Variants in ANKRD36C observed in about 807,000 individuals in gnomAD.
ANKRD36C encodes the protein ankyrin repeat domain-containing protein 36C.
A neutral mutation model predicts 276.4 loss-of-function variants in ANKRD36C; 61 were observed. The ratio of observed to expected loss-of-function variants is 0.22; its 90% CI spans 0.18 to 0.27. The LOEUF (loss-of-function observed/expected upper bound fraction) is 0.27, where lower values mean the gene tolerates loss of function less well. Among genes scored for constraint, ANKRD36C ranks in the 10% least tolerant of loss-of-function variants. ANKRD36C has a pLI of 1.00. For synonymous variants in ANKRD36C, 483 were observed against 680.1 expected (o/e 0.71, Z 4.51); for missense variants, 1,447 against 2,032.3 (o/e 0.71, Z 5.54).
At chr2:95,871,784 G>C (rs1196161108) in intron 59 of ANKRD36C, among the ~76,000 whole-genome samples, 1 of 151,778 alleles carries the variant, frequency 6.6e-6, no homozygotes, top group African/African-American at 2.4e-5. Context: ...CTCACGTGCA[G>C]AGACACACAT....
At chr2:95,874,465 T>G (rs1573732115) in intron 59 of ANKRD36C, among the ~76,000 whole-genome samples, 1 of 152,234 alleles carries the variant, frequency 6.6e-6, no homozygotes, top group East Asian at 1.9e-4. Context: ...CTGGGAAAAC[T>G]GGCTAGCCAT....
intron 34 of ANKRD36C, among the ~76,000 whole-genome samples, chr2:95,919,318 A>T (rs1316824203): frequency 1.5e-5 from 2 of 133,074 alleles, no homozygotes; most frequent in Non-Finnish European, 3.4e-5. Flanking sequence ...CTCCTTCTAC[A>T]GTGTCTATAG....
At chr2:95,859,257 C>G (rs1455441329) in intron 61 of ANKRD36C, among the ~76,000 whole-genome samples, 1 of 152,094 alleles carries the variant, frequency 6.6e-6, no homozygotes, top group Admixed American at 6.6e-5. Flanking sequence ...TGGTCTCGAA[C>G]TCCTGACCTC....
chr2:95,927,486 A>C, intron 26 of ANKRD36C, 77 bp from the exon 27 acceptor site: 1 of 1,590,394 alleles, frequency 6.3e-7, no homozygotes, highest in Non-Finnish European at 8.5e-7. Context: ...AAGTGTTAGC[A>C]TCAAACTATA....
chr2:95,882,158 T>G lies in ANKRD36C; in HGVS notation c.3367+144A>C, dbSNP rs1409608387. ...AAGGACCAGCAGCATCAACAACACCTGACAACTCAGTAGAAATGCACAATC... is the reference window on the plus strand; with the variant it reads ...AAGGACCAGCAGCATCAACAACACCGGACAACTCAGTAGAAATGCACAATC... On this transcript the variant is annotated intron_variant, in intron 56 of 66. Transcript: ENST00000456556. The G allele has an allele frequency of 4.2e-6, 3 of 707,596 alleles. No individual in the cohort carries two copies. In the African/African-American group the frequency reaches 5.5e-5, roughly 13 times the overall value. The allele number at this position is 707,596 out of a possible 1,614,324, so 43.8% of individuals were successfully genotyped here. A position where few individuals can be genotyped will look rare whatever the true frequency, so the allele number is the denominator to read the frequency against.
chr2:95,977,922 T>C (rs1307263402), intron 6 of ANKRD36C, among the ~76,000 whole-genome samples, 200 bp downstream of exon 6: 2 of 151,992 alleles, frequency 1.3e-5, no homozygotes, highest in Admixed American at 6.6e-5. Flanking sequence ...AATAATAATT[T>C]TTTTCATACA....
rs766564021 is a variant in ANKRD36C, at chr2:95,925,567, T to C, written c.1940-20A>G. 3 of 1,537,430 alleles carry C rather than the reference T, an allele frequency of 2.0e-6. No homozygotes were observed. Among genetic ancestry groups the C allele is most frequent in the South Asian group, 1.2e-5 (1 of 82,534 alleles). On this transcript the variant is annotated intron_variant, in intron 28 of 66. Coordinates refer to ENST00000456556, the Ensembl canonical transcript of ANKRD36C. ...GAGACACTGAAAAGTAAAAGAAATA[T>C]ATAATTCATCATATGTAAATATGAT...
In ANKRD36C at chr2:95,896,906, C is replaced by A. The variant is rs1009864966; in HGVS notation, c.2755+2239G>T. ...TGTTACAACAAGCTTTCTGTCTTTT[C>A]TTGGCAGTACGATCTGAAGTGTGTA... On this transcript the variant is annotated intron_variant, in intron 44 of 66. Transcript: ENST00000456556. Among the ~76,000 whole-genome samples the A allele has an allele frequency of 1.4e-4, 21 of 148,838 alleles. 1 individual carries two copies. The highest frequency in any genetic ancestry group is 4.9e-4 in the African/African-American group (20 of 40,544).
At chr2:95,878,953 G>A (rs1676014263) in intron 58 of ANKRD36C, among the ~76,000 whole-genome samples, 1 of 152,142 alleles carries the variant, frequency 6.6e-6, no homozygotes. Context: ...CAATCCCATT[G>A]CTAGGTAACT....
At chr2:95,915,879 A>C in intron 38 of ANKRD36C, 101 bp downstream of exon 40, 2 of 1,428,896 alleles carry the variant, frequency 1.4e-6, no homozygotes, top group Non-Finnish European at 1.9e-6. Flanking sequence ...GGCCTGTTGA[A>C]TCAGAATGTG....
At position 95,891,645 on chromosome 2, in the gene ANKRD36C, A is replaced by T; in HGVS notation, c.2857+20T>A. The stretch of plus-strand genomic sequence containing the variant: ...ATCTATCTGCACTGAACATGACATT[A>T]AATCTCTTTTCAAAATTACCTCTCC... On this transcript the variant is annotated intron_variant, in intron 46 of 66. Transcript: ENST00000456556. 1.9e-6 allele frequency: 3 copies of T among 1,546,592 alleles called. No individual in the cohort carries two copies. Among genetic ancestry groups the T allele is most frequent in the Non-Finnish European group, 2.6e-6 (3 of 1,144,148 alleles).
At chr2:95,926,309 C>T (rs796518694) in intron 28 of ANKRD36C, among the ~76,000 whole-genome samples, 19 of 151,614 alleles carry the variant, frequency 1.3e-4, no homozygotes, top group African/African-American at 4.1e-4. Flanking sequence ...ATATGAATAA[C>T]CTTTTACATT....
At chr2:95,985,559 T>C (rs931559587) in intron 3 of ANKRD36C, among the ~76,000 whole-genome samples, 1 of 152,184 alleles carries the variant, frequency 6.6e-6, no homozygotes, top group Admixed American at 6.5e-5. Flanking sequence ...CAGTAATATT[T>C]AATAGTAAAT....
At chr2:95,893,861 G>C (rs1676452580) in intron 44 of ANKRD36C, 137 bp from the exon 63 acceptor site, 1 of 1,465,216 alleles carries the variant, frequency 6.8e-7, no homozygotes, top group Non-Finnish European at 9.2e-7. Context: ...CTTTGTGTCT[G>C]GGGACTAGAA....
At chr2:95,912,707 A>T (rs1235878757) in intron 40 of ANKRD36C, among the ~76,000 whole-genome samples, 1 of 151,482 alleles carries the variant, frequency 6.6e-6, no homozygotes. Context: ...ATCAATGTGG[A>T]TATGCTGAGT....
intron 17 of ANKRD36C, among the ~76,000 whole-genome samples, chr2:95,946,316 A>G (rs577539171): frequency 2.3e-3 from 343 of 151,442 alleles, no homozygotes; most frequent in African/African-American, 7.8e-3. Context: ...AATGCTCACC[A>G]TCACTGGCCA....
chr2:95,880,658 G>A (rs1348486619), intron 56 of ANKRD36C, 35 bp from the exon 77 acceptor site: 3 of 1,511,894 alleles, frequency 2.0e-6, no homozygotes, highest in South Asian at 1.2e-5. Context: ...TCAATCATAT[G>A]TAAATATGGT....
At chr2:95,893,785 T>C (rs1676448896) in intron 44 of ANKRD36C, 61 bp from the exon 63 acceptor site, 6 of 1,601,082 alleles carry the variant, frequency 3.7e-6, no homozygotes, top group Non-Finnish European at 5.1e-6. Flanking sequence ...TATCCATAGA[T>C]TCATGCAGAG....
intron 6 of ANKRD36C, among the ~76,000 whole-genome samples, chr2:95,974,721 T>C (rs935523843): frequency 2.0e-5 from 3 of 152,096 alleles, no homozygotes; most frequent in Admixed American, 1.3e-4. Context: ...GTTACATATG[T>C]ATACATGTGC....
Sources: allele counts gnomAD v4.1 joint callset (sites outside exome capture counted in the v4.1 genomes callset), GRCh38; gene constraint gnomAD v4.1.1; transcripts MANE v1.5; gene names NCBI Gene and HGNC (gene_info 2026-07-23, HGNC 2026-07-21).